STRA6: variants seen among roughly 807,000 people sequenced by gnomAD.
The protein encoded by STRA6 is signaling receptor and transporter of retinol STRA6, also known as receptor for retinol uptake STRA6.
Under a neutral mutation model 83.6 loss-of-function variants are expected in STRA6, and 48 were observed. The observed-to-expected ratio is 0.57, with a 90% confidence interval of 0.46 to 0.73. The LOEUF (loss-of-function observed/expected upper bound fraction) is 0.73. Among genes scored for constraint, STRA6 ranks in the 30% least tolerant of loss-of-function variants. The pLI, the probability that STRA6 is intolerant of heterozygous loss-of-function variation, is 0.00. For missense variants in STRA6, 760 were observed against 838.8 expected, an observed-to-expected ratio of 0.91 and a Z score of 1.16; for synonymous variants, 353 against 362.3, an observed-to-expected ratio of 0.97 and a Z score of 0.29.
chr15:74,183,480 G>A lies in STRA6; in HGVS notation c.1300+376C>T, dbSNP rs149855259. 5.4e-5 allele frequency: 62 copies of A among 1,140,324 alleles called. 2 individuals carry two copies. In the African/African-American group the frequency reaches 6.5e-4, roughly 12 times the overall value. 70.6% of individuals were successfully genotyped at this position (1,140,324 alleles called of 1,614,324 possible). ...AGGCTGGTCTTCATCTCCTGACTTC[G>A]TGATCCACCTGCCTCAGCCTCCCAA... On this transcript the variant is annotated intron_variant, in intron 14 of 18. Coordinates refer to ENST00000395105, the MANE Select transcript of STRA6 (RefSeq NM_022369.4).
Position 74,182,023 on chromosome 15 carries a change from G to A in STRA6, c.1520+138C>T, listed in dbSNP as rs2073018042. Reference sequence around the variant, plus strand: ...ATTGTCCCTTTTCTCTATGGGTAAGGCAAGCTCTTTCTACTATCATCTGGG... The same window carrying A: ...ATTGTCCCTTTTCTCTATGGGTAAGACAAGCTCTTTCTACTATCATCTGGG... On this transcript the variant is annotated intron_variant, in intron 16 of 18. Transcript: ENST00000395105. The A allele has an allele frequency of 8.7e-6, 7 of 802,002 alleles. No homozygotes were observed. In the East Asian group the frequency reaches 1.9e-4, roughly 21 times the overall value. The allele number at this position is 802,002 out of a possible 1,614,324, so 49.7% of individuals were successfully genotyped here. A position where few individuals can be genotyped will look rare whatever the true frequency, so the allele number is the denominator to read the frequency against.
At position 74,184,000 on chromosome 15, in the gene STRA6, A is replaced by T. The variant is rs543758018; in HGVS notation, c.1167-11T>A. On this transcript the variant is annotated splice_polypyrimidine_tract_variant and intron_variant, in intron 13 of 18. Coordinates refer to ENST00000395105, the MANE Select transcript of STRA6 (RefSeq NM_022369.4). ...GCTCGAAGGTTGGTCCTGGGGTGGG[A>T]GCCAGGGAGGCAGAGACCTCAGGGA... 2.2e-4 allele frequency: 362 copies of T among 1,612,128 alleles called. 1 individual carries two copies. Among genetic ancestry groups the T allele is most frequent in the Non-Finnish European group, 2.9e-4 (340 of 1,179,978 alleles).
At chr15:74,193,179 GCCAAGAC>G (rs762155840) in intron 8 of STRA6, among the ~76,000 whole-genome samples, 10 of 151,928 alleles carry the variant, frequency 6.6e-5, no homozygotes, top group African/African-American at 9.7e-5. Context: ...TCTATTAAGG[GCCAAGAC>G]CCACCCAGTG....
chr15:74,195,507 G>C, intron 6 of STRA6, 39 bp from the exon 7 acceptor site: 1 of 1,606,786 alleles, frequency 6.2e-7, no homozygotes, highest in South Asian at 1.1e-5. Context: ...ATGCTGGAGG[G>C]GCAGACATGG....
chr15:74,182,453 C>G lies in STRA6; in HGVS notation c.1308G>C (p.Leu436=). ...CCAGGAAGAAGATGATCTGCTGCAC[C>G]AGGAGCCCTGCCAGGGGCGGGAGTG... ...YQTAFICLGL[L]VQQIIFFLGT... is the part of the protein sequence containing the mutation. Residue 436 remains leucine (L), a synonymous_variant, in exon 15 of 19, where the codon CTG becomes CTC. Transcript: ENST00000395105. The G allele has an allele frequency of 6.2e-7, 1 of 1,608,808 alleles. No homozygotes were observed. The highest frequency in any genetic ancestry group is 8.5e-7 in the Non-Finnish European group (1 of 1,177,696).
chr15:74,180,213 A>G lies in STRA6; in HGVS notation c.1871T>C (p.Met624Thr), dbSNP rs747368136. The G allele has an allele frequency of 3.1e-6, 5 of 1,614,100 alleles. No individual in the cohort carries two copies. The East Asian group carries it at 1.1e-4, about 36-fold the overall frequency. ...GGCCCCGGGCCTAGCTCCCTTGGCC[A>G]TGGAGTCCTTTGTCTGTAGCAGCTG... is the stretch of plus-strand genomic sequence containing the variant. Reference protein sequence around the residue: ...GMQLLQTKDSMAKGARPGASR... With the variant: ...GMQLLQTKDSTAKGARPGASR... Residue 624 changes from methionine (M) to threonine (T), a missense_variant, in exon 19 of 19, where the codon ATG (methionine) becomes ACG (threonine). By Grantham distance (81) the Met-to-Thr change is moderately conservative. Coordinates refer to ENST00000395105, the MANE Select transcript of STRA6 (RefSeq NM_022369.4).
upstream of STRA6, among the ~76,000 whole-genome samples, chr15:74,204,454 G>A (rs2074210362): frequency 6.6e-6 from 1 of 152,226 alleles, no homozygotes; most frequent in African/African-American, 2.4e-5. Context: ...CAGAGTCCCC[G>A]TGCCCACACC....
upstream of STRA6, chr15:74,203,110 C>G: frequency 1.0e-6 from 1 of 985,592 alleles, no homozygotes; most frequent in Non-Finnish European, 1.2e-6. Flanking sequence ...TGAGACGGAC[C>G]GCTGGGGCTG....
Position 74,185,199 on chromosome 15 carries a change from C to T in STRA6, c.1091-144G>A, listed in dbSNP as rs890220775. 5.1e-6 allele frequency: 4 copies of T among 784,940 alleles called. No homozygotes were observed. The Admixed American group carries it at 8.1e-5, about 16-fold the overall frequency. 48.6% of individuals were successfully genotyped at this position (784,940 alleles called of 1,614,324 possible). ...TGTGTGGAAGCCTCTTGGCCCCACCCCCAGGTCTCAGATGCAGTGTAAGCC... is the reference window on the plus strand; with the variant it reads ...TGTGTGGAAGCCTCTTGGCCCCACCTCCAGGTCTCAGATGCAGTGTAAGCC... On this transcript the variant is annotated intron_variant, in intron 12 of 18. Coordinates refer to ENST00000395105, the MANE Select transcript of STRA6 (RefSeq NM_022369.4).
chr15:74,182,504 T>C (rs351240), intron 14 of STRA6, 44 bp from the exon 15 acceptor site: 15 of 1,535,154 alleles, frequency 9.8e-6, no homozygotes, highest in Middle Eastern at 4.3e-4. Flanking sequence ...ACAGGTTCCA[T>C]GAAAACTGGC....
At chr15:74,185,125 T>C in intron 12 of STRA6, 70 bp from the exon 13 acceptor site, 1 of 1,504,844 alleles carries the variant, frequency 6.6e-7, no homozygotes, top group African/African-American at 1.4e-5. Context: ...TCAGAACCCC[T>C]GCCAGGGTGG....
At chr15:74,185,523 G>A (rs1416712112) in intron 12 of STRA6, among the ~76,000 whole-genome samples, 7 of 152,210 alleles carry the variant, frequency 4.6e-5, no homozygotes, top group Non-Finnish European at 8.8e-5. Context: ...AATGGTCTTC[G>A]TTCAGGGCAT....
chr15:74,202,550 T>C (rs1333408136), intron 1 of STRA6, 163 bp downstream of exon 1: 1 of 1,471,670 alleles, frequency 6.8e-7, no homozygotes, highest in South Asian at 1.4e-5. Context: ...AGCTGTCCCC[T>C]TGGGGCCCCG....
In STRA6 at chr15:74,191,156, C is replaced by T; in HGVS notation, c.865+11G>A. ...CCCTGTCACGCTCGGCCTCAGCTCCCAACCCCATACCTGGCTGTGGAGTGT... is the reference window on the plus strand; with the variant it reads ...CCCTGTCACGCTCGGCCTCAGCTCCTAACCCCATACCTGGCTGTGGAGTGT... On this transcript the variant is annotated intron_variant, in intron 10 of 18. Transcript: ENST00000395105. The T allele has an allele frequency of 1.2e-6, 2 of 1,613,858 alleles. No homozygotes were observed. The highest frequency in any genetic ancestry group is 1.7e-6 in the Non-Finnish European group (2 of 1,179,938).
At chr15:74,194,482 C>A in intron 7 of STRA6, 1 of 632,530 alleles carries the variant, frequency 1.6e-6, no homozygotes, top group Non-Finnish European at 2.1e-6. Flanking sequence ...AAAGCAACCT[C>A]TTAGTCTTCA....
intron 11 of STRA6, among the ~76,000 whole-genome samples, chr15:74,189,822 G>A (rs1015674502): frequency 7.9e-5 from 12 of 151,694 alleles, no homozygotes; most frequent in South Asian, 4.2e-4. Flanking sequence ...CGCCACCACC[G>A]CCAGCTAATT....
rs878859631 is a variant in STRA6 at position 74,190,751 on chromosome 15, G to A, written c.927+89C>T. 5 of 1,597,262 alleles carry A rather than the reference G, an allele frequency of 3.1e-6. No homozygotes were observed. The South Asian group carries it at 5.5e-5, about 18-fold the overall frequency. The stretch of plus-strand genomic sequence containing the variant: ...GTCAGGGTTCTGGATGGAGCACCTG[G>A]AGAGCTGGGTTGGGCCGGAACTGCT... On this transcript the variant is annotated intron_variant, in intron 11 of 18. Coordinates refer to ENST00000395105, the MANE Select transcript of STRA6 (RefSeq NM_022369.4).
At chr15:74,191,100 G>A (rs747955817) in intron 10 of STRA6, 67 bp downstream of exon 10, 3 of 1,593,292 alleles carry the variant, frequency 1.9e-6, no homozygotes, top group Admixed American at 3.5e-5. Context: ...GTCCTCCACT[G>A]CAGCCATTCT....
upstream of STRA6, among the ~76,000 whole-genome samples, chr15:74,206,583 C>T (rs1478687850): frequency 6.6e-6 from 1 of 152,196 alleles, no homozygotes; most frequent in African/African-American, 2.4e-5. Context: ...AAGGCCCAGC[C>T]CTGCCCTCAG....
Sources: gnomAD v4.1 joint callset for allele counts (sites outside exome capture counted in the v4.1 genomes callset) on GRCh38, gnomAD v4.1.1 for gene constraint, MANE v1.5 for transcripts, NCBI Gene and HGNC (gene_info 2026-07-23, HGNC 2026-07-21) for gene names.